The following SVIL variants were observed in gnomAD, a reference collection of about 807,000 sequenced individuals.
SVIL encodes supervillin.
SVIL carries 101 observed loss-of-function variants against 240.4 expected under a neutral mutation model. The observed-to-expected ratio is 0.42, with a 90% CI of 0.36 to 0.50. SVIL has a LOEUF of 0.50. Ranked by LOEUF, SVIL falls within the 20% of genes least tolerant of loss-of-function variation. The pLI is 0.01. For missense variants in SVIL, 2,512 were observed against 2,818.7 expected (o/e 0.89, Z 2.46); for synonymous variants, 999 against 1,100.0 (o/e 0.91, Z 1.82).
At chr10:29,486,606 G>T in intron 24 of SVIL, 49 bp from the exon 25 acceptor site, 1 of 1,609,544 alleles carries the variant, frequency 6.2e-7, no homozygotes, top group South Asian at 1.1e-5. Flanking sequence ...CCCTTGGCTA[G>T]ACAGAGTGGC....
intron 16 of SVIL, among the ~76,000 whole-genome samples, chr10:29,519,430 T>C (rs1338217097): frequency 1.3e-5 from 2 of 152,182 alleles, no homozygotes; most frequent in Non-Finnish European, 2.9e-5. Context: ...GGAAGTCCTA[T>C]GATTTTATAT....
chr10:29,517,552 A>G (rs1200090248), intron 16 of SVIL, among the ~76,000 whole-genome samples: 2 of 152,248 alleles, frequency 1.3e-5, no homozygotes, highest in African/African-American at 2.4e-5. Context: ...GCTACAGGGT[A>G]AGAACCTGGA....
At chr10:29,729,560 G>A (rs957699419) in intron 1 of SVIL, among the ~76,000 whole-genome samples, 3 of 151,124 alleles carry the variant, frequency 2.0e-5, no homozygotes, top group Non-Finnish European at 4.4e-5. Context: ...AATTGGCCGG[G>A]TGCGGTGGCT....
At chr10:29,548,266 G>A in intron 6 of SVIL, among the ~76,000 whole-genome samples, 1 of 152,058 alleles carries the variant, frequency 6.6e-6, no homozygotes, top group East Asian at 1.9e-4. Flanking sequence ...AAAAAAATAG[G>A]GGTGTTTCCC....
At chr10:29,725,481 G>A (rs749478585) in intron 1 of SVIL, among the ~76,000 whole-genome samples, 3 of 152,128 alleles carry the variant, frequency 2.0e-5, no homozygotes, top group African/African-American at 4.8e-5. Flanking sequence ...TGAGATTTCC[G>A]AGAGCCTGTA....
intron 1 of SVIL, among the ~76,000 whole-genome samples, chr10:29,617,425 C>G (rs1957466421): frequency 6.6e-6 from 1 of 151,732 alleles, no homozygotes; most frequent in South Asian, 2.1e-4. Flanking sequence ...ACTAAAAATA[C>G]AAAAAATTAG....
intron 20 of SVIL, among the ~76,000 whole-genome samples, chr10:29,493,838 A>G (rs1197661156): frequency 6.6e-6 from 1 of 152,204 alleles, no homozygotes; most frequent in Non-Finnish European, 1.5e-5. Context: ...GCTATTGACA[A>G]TAGTTCACAA....
chr10:29,610,448 A>ATTTT (rs113668853), intron 1 of SVIL, among the ~76,000 whole-genome samples: 2 of 137,212 alleles, frequency 1.5e-5, no homozygotes, highest in Non-Finnish European at 1.6e-5. Flanking sequence ...TTCACTCTGC[A>ATTTT]TTTTTTTTTT....
intron 1 of SVIL, chr10:29,711,881 C>T (rs1310726050): frequency 6.6e-6 from 1 of 152,014 alleles, no homozygotes; most frequent in African/African-American, 2.4e-5. Flanking sequence ...AATTCCAGCA[C>T]TTTGGGAGGT....
intron 21 of SVIL, among the ~76,000 whole-genome samples, chr10:29,491,846 G>T (rs1028626790): frequency 1.3e-5 from 2 of 152,224 alleles, no homozygotes; most frequent in Non-Finnish European, 2.9e-5. Flanking sequence ...GGAAGATTGA[G>T]AAATGGTTAA....
intron 3 of SVIL, among the ~76,000 whole-genome samples, chr10:29,562,548 A>T (rs998626387): frequency 1.3e-5 from 2 of 152,134 alleles, no homozygotes; most frequent in African/African-American, 4.8e-5. Context: ...ATCACCTAAG[A>T]TCGGGAGTCG....
At chr10:29,649,780 G>C (rs952624238) in intron 3 of SVIL, among the ~76,000 whole-genome samples, 1 of 152,146 alleles carries the variant, frequency 6.6e-6, no homozygotes, top group African/African-American at 2.4e-5. Flanking sequence ...GTTTGAATGC[G>C]TCCCCCAGAG....
intron 17 of SVIL, among the ~76,000 whole-genome samples, chr10:29,505,578 C>T (rs1949214335): frequency 2.0e-5 from 3 of 152,080 alleles, no homozygotes; most frequent in African/African-American, 7.2e-5. Context: ...GGAAACGATT[C>T]TGTATGATAG....
chr10:29,687,306 G>C (rs1961146488), intron 1 of SVIL, among the ~76,000 whole-genome samples: 1 of 152,194 alleles, frequency 6.6e-6, no homozygotes, highest in East Asian at 1.9e-4. Flanking sequence ...CTGCATAATT[G>C]ATTCTTCCTT....
At chr10:29,719,497 CA>C (rs1963845345) in intron 1 of SVIL, among the ~76,000 whole-genome samples, 1 of 151,958 alleles carries the variant, frequency 6.6e-6, no homozygotes, top group South Asian at 2.1e-4. Flanking sequence ...ACCAGGCATG[CA>C]AAAAGGCAGG....
At chr10:29,718,294 C>G (rs1963757626) in intron 1 of SVIL, among the ~76,000 whole-genome samples, 1 of 151,646 alleles carries the variant, frequency 6.6e-6, no homozygotes, top group African/African-American at 2.4e-5. Context: ...CCACTGCACT[C>G]CAGCCTGGGC....
At chr10:29,712,051 GA>G (rs1356898066) in intron 1 of SVIL, 14 of 152,088 alleles carry the variant, frequency 9.2e-5, no homozygotes, top group African/African-American at 3.1e-4. Context: ...AAATTTTAAA[GA>G]AAAAGATATT....
intron 3 of SVIL, among the ~76,000 whole-genome samples, chr10:29,647,882 G>T (rs1255552187): frequency 6.7e-6 from 1 of 149,206 alleles, no homozygotes; most frequent in Admixed American, 6.8e-5. Flanking sequence ...TTGGTAGTAG[G>T]AAAGTAGTTT....
At chr10:29,693,749 A>C (rs983136677) in intron 1 of SVIL, among the ~76,000 whole-genome samples, 1 of 152,216 alleles carries the variant, frequency 6.6e-6, no homozygotes, top group Non-Finnish European at 1.5e-5. Context: ...AATGTGAGAA[A>C]AGCCAGGATA....
Sources: gnomAD v4.1 joint callset for allele counts (sites outside exome capture counted in the v4.1 genomes callset) on GRCh38, gnomAD v4.1.1 for gene constraint, MANE v1.5 for transcripts, NCBI Gene and HGNC (gene_info 2026-07-23, HGNC 2026-07-21) for gene names.